The following TTC17 variants were observed in gnomAD, a reference collection of about 807,000 sequenced individuals.
TTC17 encodes tetratricopeptide repeat domain 17.
A neutral mutation model predicts 143.8 loss-of-function variants in TTC17; 58 were observed. The ratio of observed to expected loss-of-function variants is 0.40; its 90% CI spans 0.33 to 0.50. The LOEUF is 0.50. Among genes scored for constraint, TTC17 ranks in the 20% least tolerant of loss-of-function variants. The probability of loss-of-function intolerance (pLI) is 0.49; values close to 1 mark genes in which losing one functional copy is unlikely to be tolerated. For missense variants in TTC17, 1,273 were observed against 1,392.5 expected, an observed-to-expected ratio of 0.91 and a Z score of 1.37; for synonymous variants, 501 against 497.8, an observed-to-expected ratio of 1.01 and a Z score of -0.09.
chr11:43,446,747 T>C, intron 18 of TTC17: 2 of 874,006 alleles, frequency 2.3e-6, no homozygotes, highest in South Asian at 1.0e-4. Context: ...GCCTATTCCA[T>C]TATAACTCCT....
chr11:43,431,027 T>C (rs890534983), intron 16 of TTC17, among the ~76,000 whole-genome samples: 1 of 152,130 alleles, frequency 6.6e-6, no homozygotes, highest in Non-Finnish European at 1.5e-5. Flanking sequence ...ATGTGGTGTT[T>C]GGTTTTGTTT....
intron 6 of TTC17, 155 bp downstream of exon 6, chr11:43,396,973 ATCACAGATCTC>A: frequency 2.1e-6 from 1 of 479,610 alleles, no homozygotes; most frequent in Non-Finnish European, 3.6e-6. Flanking sequence ...AAAAAAAAAA[ATCACAGATCTC>A]AAAAAGTTCA....
chr11:43,401,277 T>A (rs1354362793), intron 9 of TTC17, among the ~76,000 whole-genome samples, 169 bp from the exon 10 acceptor site: 1 of 152,214 alleles, frequency 6.6e-6, no homozygotes, highest in African/African-American at 2.4e-5. Context: ...TTAGAATGAT[T>A]TATTTGATTA....
intron 11 of TTC17, among the ~76,000 whole-genome samples, chr11:43,404,555 C>T (rs1362043232): frequency 6.6e-6 from 1 of 152,186 alleles, no homozygotes; most frequent in African/African-American, 2.4e-5. Flanking sequence ...CTGGAGCCTA[C>T]ATTCTGGTAG....
chr11:43,409,242 T>C (rs1258312000), intron 15 of TTC17, among the ~76,000 whole-genome samples: 3 of 152,350 alleles, frequency 2.0e-5, no homozygotes, highest in Middle Eastern at 3.4e-3. Flanking sequence ...CCACAACCTA[T>C]TTTTCTGTTG....
intron 5 of TTC17, among the ~76,000 whole-genome samples, chr11:43,392,668 G>A (rs1184148328): frequency 6.6e-6 from 1 of 152,158 alleles, no homozygotes; most frequent in Non-Finnish European, 1.5e-5. Flanking sequence ...GGTTATTTCT[G>A]TAGCTGTGTT....
intron 16 of TTC17, among the ~76,000 whole-genome samples, chr11:43,415,894 CA>C (rs1946767071): frequency 6.6e-6 from 1 of 152,078 alleles, no homozygotes; most frequent in Admixed American, 6.5e-5. Context: ...GTCAAAGGCC[CA>C]AAACAGTATA....
intron 16 of TTC17, among the ~76,000 whole-genome samples, chr11:43,422,048 C>G (rs1315108613): frequency 2.0e-5 from 3 of 152,076 alleles, no homozygotes; most frequent in Non-Finnish European, 4.4e-5. Flanking sequence ...GATGCTATTG[C>G]AAAAATATCA....
intron 18 of TTC17, 110 bp from the exon 19 acceptor site, chr11:43,447,892 A>C (rs1947578730): frequency 7.3e-7 from 1 of 1,364,990 alleles, no homozygotes. Context: ...TACAGGAATG[A>C]CTAGCACCTC....
intron 1 of TTC17, 61 bp downstream of exon 1, chr11:43,359,174 C>G (rs1292076314): frequency 6.8e-7 from 1 of 1,479,970 alleles, no homozygotes; most frequent in Non-Finnish European, 9.0e-7. Context: ...GATTACCCTG[C>G]TTGGCCCCTG....
intron 16 of TTC17, among the ~76,000 whole-genome samples, chr11:43,434,223 ACACACACACT>A (rs1247018790): frequency 6.1e-4 from 55 of 90,764 alleles, no homozygotes; most frequent in Admixed American, 4.3e-3. Flanking sequence ...ACACACACAC[ACACACACACT>A]CTCATGGCCT....
chr11:43,444,242 G>T (rs771287491), intron 18 of TTC17, 33 bp downstream of exon 18: 1 of 1,570,756 alleles, frequency 6.4e-7, no homozygotes, highest in Non-Finnish European at 8.6e-7. Context: ...CCAGTTTCTT[G>T]TTTTAGATGT....
At chr11:43,387,505 C>T (rs935343126) in intron 2 of TTC17, among the ~76,000 whole-genome samples, 1 of 151,474 alleles carries the variant, frequency 6.6e-6, no homozygotes, top group Non-Finnish European at 1.5e-5. Context: ...GCTCTGTCCC[C>T]ATTAATAATA....
At position 43,492,294 on chromosome 11, in the gene TTC17, A is replaced by G. The variant is rs1948487598; in HGVS notation, c.3294+131A>G. 5 of 1,239,708 alleles carry G rather than the reference A, an allele frequency of 4.0e-6. No individual in the cohort carries two copies. The Admixed American group carries it at 1.1e-4, about 27-fold the overall frequency. 76.8% of individuals were successfully genotyped at this position (1,239,708 alleles called of 1,614,324 possible). A position where few individuals can be genotyped will look rare whatever the true frequency, so the allele number is the denominator to read the frequency against. On this transcript the variant is annotated intron_variant, in intron 23 of 23. Transcript: ENST00000039989. The stretch of plus-strand genomic sequence containing the variant: ...CTTGTCTAAAATTGCTGGTTCCACC[A>G]ATGTTATATTTTATGGATAAGGGTT...
At position 43,360,232 on chromosome 11, in the gene TTC17, A is replaced by G. The variant is rs567866122; in HGVS notation, c.159+1119A>G. Reference sequence around the variant, plus strand: ...TATCTCAAGTAAGTTAAGTATAACTAAAAATCCGCCTAGGTATTCATGAGT... The same window carrying G: ...TATCTCAAGTAAGTTAAGTATAACTGAAAATCCGCCTAGGTATTCATGAGT... On this transcript the variant is annotated intron_variant, in intron 1 of 23. Coordinates refer to ENST00000039989, the MANE Select transcript of TTC17 (RefSeq NM_018259.6). Among the ~76,000 whole-genome samples the G allele has an allele frequency of 7.2e-5, 11 of 152,356 alleles. No homozygotes were observed. The East Asian group carries it at 2.1e-3, about 29-fold the overall frequency.
rs763827210 is a variant in TTC17 at position 43,492,092 on chromosome 11, A to G, written c.3223A>G (p.Thr1075Ala). 2 of 1,614,132 alleles carry G rather than the reference A, an allele frequency of 1.2e-6. No individual in the cohort carries two copies. Among genetic ancestry groups the G allele is most frequent in the Non-Finnish European group, 1.7e-6 (2 of 1,179,988 alleles). Residue 1075 changes from threonine (T) to alanine (A), a missense_variant, in exon 23 of 24, where the codon ACC becomes GCC. Physicochemically the swap from Thr to Ala is moderately conservative, Grantham distance 58 (BLOSUM62 0). Around this residue, in one of 3 missense-constraint regions of TTC17, gnomAD observed 878 missense variants for 899.8 expected, o/e 0.98. Coordinates refer to ENST00000039989, the MANE Select transcript of TTC17 (RefSeq NM_018259.6). ...KLWNDAVIVA[T>A]MAVEIAPHFA... ...CTGGAATGACGCCGTCATAGTAGCCACCATGGCAGTAGAGATCGCACCACA... is the reference window on the plus strand; with the variant it reads ...CTGGAATGACGCCGTCATAGTAGCCGCCATGGCAGTAGAGATCGCACCACA...
rs1185680751 is a variant in TTC17, at chr11:43,405,805, G to A, written c.1615G>A (p.Asp539Asn). Reference protein sequence around the residue: ...KGLRIHELSSDDYSTEEEAQT... With the variant: ...KGLRIHELSSNDYSTEEEAQT... Reference sequence around the variant, plus strand: ...TGCCAGGATCCACGAACTCAGCAGTGATGATTATTCTACAGAAGAAGAGGC... The same window carrying A: ...TGCCAGGATCCACGAACTCAGCAGTAATGATTATTCTACAGAAGAAGAGGC... The change falls in exon 13 of 24, where the codon GAT (aspartate) becomes AAT (asparagine). Residue 539 changes from aspartate (D) to asparagine (N), a missense_variant. By Grantham distance (23) the Asp-to-Asn change is conservative. Transcript: ENST00000039989. The A allele has an allele frequency of 3.7e-6, 6 of 1,613,810 alleles. No individual in the cohort carries two copies. Among genetic ancestry groups the A allele is most frequent in the Non-Finnish European group, 5.1e-6 (6 of 1,179,916 alleles).
chr11:43,430,579 A>G (rs1267324845), intron 16 of TTC17, among the ~76,000 whole-genome samples: 4 of 152,126 alleles, frequency 2.6e-5, no homozygotes, highest in Non-Finnish European at 2.9e-5. Flanking sequence ...CTGTGAGACT[A>G]ATTTCTAAGT....
intron 21 of TTC17, among the ~76,000 whole-genome samples, chr11:43,489,385 C>T (rs897450312): frequency 2.0e-5 from 3 of 152,134 alleles, no homozygotes; most frequent in South Asian, 2.1e-4. Context: ...TAGTAACAAA[C>T]TCTGTGATGG....
Sources: gnomAD v4.1 joint callset for allele counts (sites outside exome capture counted in the v4.1 genomes callset) on GRCh38, gnomAD v4.1.1 for gene constraint, gnomAD v4.1.1 regional missense constraint, MANE v1.5 for transcripts, NCBI Gene and HGNC (gene_info 2026-07-23, HGNC 2026-07-21) for gene names.